Variants in EXT1 observed in about 807,000 individuals in gnomAD.
EXT1 encodes the protein exostosin-1.
Under a neutral mutation model 82.5 loss-of-function variants are expected in EXT1, and 20 were observed. That is an observed-to-expected ratio of 0.24 (90% CI 0.17 to 0.35). The LOEUF is 0.35. Ranked by LOEUF, EXT1 falls within the 10% of genes least tolerant of loss-of-function variation. The pLI, the probability that EXT1 is intolerant of heterozygous loss-of-function variation, is 1.00. For synonymous variants in EXT1, 348 were observed against 350.8 expected, an observed-to-expected ratio of 0.99 and a Z score of 0.09; for missense variants, 757 against 936.5, an observed-to-expected ratio of 0.81 and a Z score of 2.50.
intron 1 of EXT1, among the ~76,000 whole-genome samples, chr8:118,037,615 G>A (rs567802249): frequency 1.1e-4 from 16 of 152,190 alleles, no homozygotes; most frequent in Middle Eastern, 3.4e-3. Flanking sequence ...CTGCTTCCAG[G>A]CAGCAGGAAC....
intron 4 of EXT1, among the ~76,000 whole-genome samples, chr8:117,826,603 A>AT (rs1214766780): frequency 6.6e-6 from 1 of 152,048 alleles, no homozygotes; most frequent in African/African-American, 2.4e-5. Context: ...ATTTCCCCTG[A>AT]TTTTTTGATT....
chr8:117,927,703 G>C (rs1007471828), intron 1 of EXT1, among the ~76,000 whole-genome samples: 2 of 152,154 alleles, frequency 1.3e-5, no homozygotes, highest in Admixed American at 1.3e-4. Flanking sequence ...CCTTTAATCA[G>C]ATCCATTTAC....
chr8:117,974,940 G>A (rs1815035536), intron 1 of EXT1, among the ~76,000 whole-genome samples: 1 of 152,110 alleles, frequency 6.6e-6, no homozygotes, highest in South Asian at 2.1e-4. Flanking sequence ...TCTTTCCCCT[G>A]GCTCCCACCA....
At chr8:117,830,194 A>G in intron 4 of EXT1, 36 bp downstream of exon 4, 2 of 1,613,374 alleles carry the variant, frequency 1.2e-6, no homozygotes, top group South Asian at 2.2e-5. Flanking sequence ...ATAAAGGACC[A>G]TTATTCAAGC....
chr8:118,016,140 C>T (rs920521698), intron 1 of EXT1, among the ~76,000 whole-genome samples: 2 of 152,170 alleles, frequency 1.3e-5, no homozygotes, highest in Admixed American at 6.5e-5. Context: ...GCCTATAATC[C>T]CAGCACTTTG....
chr8:117,874,176 G>C (rs1812925439), intron 1 of EXT1, among the ~76,000 whole-genome samples: 1 of 152,050 alleles, frequency 6.6e-6, no homozygotes, highest in Non-Finnish European at 1.5e-5. Context: ...TGAACAGAGA[G>C]GTACAAAAAG....
At chr8:117,807,563 T>C (rs906705105) in intron 8 of EXT1, among the ~76,000 whole-genome samples, 186 bp from the exon 9 acceptor site, 2 of 152,218 alleles carry the variant, frequency 1.3e-5, no homozygotes, top group African/African-American at 4.8e-5. Flanking sequence ...CACATTTTAA[T>C]GTTTTCTGTT....
Position 117,822,481 on chromosome 8 carries a change from G to A in EXT1, c.1401C>T (p.Tyr467=), listed in dbSNP as rs1811940928. ...QYSSYLGDFP[Y]YYANLGLKPP... ...TTCACTTACCTAAATTAGCATAGTA[G>A]TAAGGAAAATCTCCCAGATAAGATG... The change falls in exon 5 of 11, where the codon TAC becomes TAT. Residue 467 remains tyrosine (Y), a synonymous_variant. Transcript: ENST00000378204. The A allele has an allele frequency of 6.2e-7, 1 of 1,613,308 alleles. No homozygotes were observed. The highest frequency in any genetic ancestry group is 8.5e-7 in the Non-Finnish European group (1 of 1,179,752).
At chr8:118,021,428 T>G (rs890155356) in intron 1 of EXT1, among the ~76,000 whole-genome samples, 1 of 152,236 alleles carries the variant, frequency 6.6e-6, no homozygotes, top group Non-Finnish European at 1.5e-5. Flanking sequence ...CTAATAATTG[T>G]CAGGGAGGTT....
At chr8:117,826,829 T>C (rs1812015470) in intron 4 of EXT1, among the ~76,000 whole-genome samples, 1 of 152,156 alleles carries the variant, frequency 6.6e-6, no homozygotes, top group Non-Finnish European at 1.5e-5. Context: ...TAATAATACA[T>C]GGTTTAAATA....
At chr8:118,072,649 G>A (rs985169284) in intron 1 of EXT1, among the ~76,000 whole-genome samples, 3 of 152,214 alleles carry the variant, frequency 2.0e-5, no homozygotes, top group Non-Finnish European at 4.4e-5. Flanking sequence ...GGTTGATTCT[G>A]GAGATAGATC....
intron 1 of EXT1, among the ~76,000 whole-genome samples, chr8:117,924,229 C>A (rs17475659): frequency 1.3e-5 from 2 of 152,160 alleles, no homozygotes; most frequent in Non-Finnish European, 2.9e-5. Context: ...TGACTGCCCA[C>A]CATATGTATG....
chr8:117,824,565 G>T (rs532582147), intron 4 of EXT1, among the ~76,000 whole-genome samples: 2 of 152,034 alleles, frequency 1.3e-5, no homozygotes, highest in East Asian at 3.9e-4. Flanking sequence ...TTATAACAAC[G>T]TCTCAGAATT....
At chr8:118,010,413 CCTA>C (rs1190729860) in intron 1 of EXT1, among the ~76,000 whole-genome samples, 2 of 151,122 alleles carry the variant, frequency 1.3e-5, no homozygotes, top group East Asian at 1.9e-4. Context: ...AATTTTTTGG[CCTA>C]CTTTCACCCC....
chr8:118,074,333 G>A (rs937580944), intron 1 of EXT1, among the ~76,000 whole-genome samples: 16 of 152,188 alleles, frequency 1.1e-4, no homozygotes, highest in African/African-American at 3.9e-4. Flanking sequence ...CAAAGAGAAA[G>A]GGGCCAGCGA....
chr8:117,922,682 C>T (rs927128252), intron 1 of EXT1, among the ~76,000 whole-genome samples: 2 of 152,134 alleles, frequency 1.3e-5, no homozygotes, highest in African/African-American at 4.8e-5. Context: ...ACTAAATTAG[C>T]CAATCAGATG....
At chr8:118,019,577 T>C (rs764116823) in intron 1 of EXT1, among the ~76,000 whole-genome samples, 1 of 152,222 alleles carries the variant, frequency 6.6e-6, no homozygotes, top group Non-Finnish European at 1.5e-5. Flanking sequence ...TCGTACATCG[T>C]CTTGGACCAG....
chr8:117,928,107 T>C (rs1461948660), intron 1 of EXT1, among the ~76,000 whole-genome samples: 1 of 152,236 alleles, frequency 6.6e-6, no homozygotes, highest in African/African-American at 2.4e-5. Flanking sequence ...CCCTTTATCA[T>C]ACATATCTTA....
intron 1 of EXT1, among the ~76,000 whole-genome samples, chr8:118,007,088 G>A (rs977343272): frequency 6.6e-6 from 1 of 152,176 alleles, no homozygotes; most frequent in Non-Finnish European, 1.5e-5. Context: ...ACGAGGTCAG[G>A]AGATCGAGAC....
Sources: gnomAD v4.1 joint callset for allele counts (sites outside exome capture counted in the v4.1 genomes callset) on GRCh38, gnomAD v4.1.1 for gene constraint, MANE v1.5 for transcripts, NCBI Gene and HGNC (gene_info 2026-07-23, HGNC 2026-07-21) for gene names.